The following PARN variants were observed in gnomAD, a reference collection of about 807,000 sequenced individuals.
PARN encodes poly(A)-specific ribonuclease, also known as poly(A)-specific ribonuclease PARN.
Under a neutral mutation model 102.8 loss-of-function variants are expected in PARN, and 71 were observed. The observed-to-expected ratio is 0.69, with a 90% CI of 0.57 to 0.84. The LOEUF is 0.84. Ranked by LOEUF, PARN falls within the 40% of genes least tolerant of loss-of-function variation. The pLI is 0.00. For missense variants in PARN, 782 were observed against 760.9 expected (o/e 1.03, Z -0.33); for synonymous variants, 261 against 252.9 (o/e 1.03, Z -0.30).
rs921499413 is a variant in PARN at position 14,606,585 on chromosome 16, T to C, written c.660-59A>G. The C allele has an allele frequency of 1.4e-5, 12 of 885,752 alleles. No individual in the cohort carries two copies. In the African/African-American group the frequency reaches 2.0e-4, roughly 15 times the overall value. The allele number at this position is 885,752 out of a possible 1,614,324, so 54.9% of individuals were successfully genotyped here. ...AGTCAATGACAGCTAAATCCCAAAG[T>C]ATTTTATAAGCAACTATCCAGCTAC... On this transcript the variant is annotated intron_variant, in intron 9 of 23. Transcript: ENST00000437198.
intron 21 of PARN, among the ~76,000 whole-genome samples, chr16:14,538,888 T>G (rs1251760182): frequency 2.0e-5 from 3 of 152,114 alleles, no homozygotes; most frequent in Non-Finnish European, 2.9e-5. Flanking sequence ...CGTAAGAACA[T>G]GAGCCCTATT....
intron 18 of PARN, among the ~76,000 whole-genome samples, chr16:14,572,374 G>C (rs1035836678): frequency 6.6e-6 from 1 of 151,918 alleles, no homozygotes; most frequent in African/African-American, 2.4e-5. Context: ...AAAATAAGTT[G>C]ACACTGGGAA....
chr16:14,587,041 T>C (rs1040187938), intron 13 of PARN, among the ~76,000 whole-genome samples: 1 of 152,220 alleles, frequency 6.6e-6, no homozygotes, highest in African/African-American at 2.4e-5. Context: ...ACATACATAA[T>C]TGCCATGCTA....
At chr16:14,522,685 G>A (rs920609070) in intron 21 of PARN, among the ~76,000 whole-genome samples, 15 of 152,158 alleles carry the variant, frequency 9.9e-5, no homozygotes, top group Admixed American at 2.0e-4. Flanking sequence ...TGTGGCACAG[G>A]AAGCTGGAAC....
rs939012068 is a variant in PARN, at chr16:14,532,431, G to A, written c.1480+19590C>T. Among the ~76,000 whole-genome samples, 8 of 152,042 alleles carry A rather than the reference G, an allele frequency of 5.3e-5. No individual in the cohort carries two copies. In the East Asian group the frequency reaches 1.2e-3, roughly 22 times the overall value. Reference sequence around the variant, plus strand: ...TGTTTAACAAAGCACATCTTGCACCGCCCTTAATCCATTTAACCCTGAGTG... The same window carrying A: ...TGTTTAACAAAGCACATCTTGCACCACCCTTAATCCATTTAACCCTGAGTG... On this transcript the variant is annotated intron_variant, in intron 21 of 23. Coordinates refer to ENST00000437198, the MANE Select transcript of PARN (RefSeq NM_002582.4).
At chr16:14,620,043 C>G (rs1219994533) in intron 5 of PARN, among the ~76,000 whole-genome samples, 6 of 132,454 alleles carry the variant, frequency 4.5e-5, no homozygotes, top group African/African-American at 1.7e-4. Context: ...GCACTCCAGC[C>G]TGGGTGACAG....
intron 22 of PARN, among the ~76,000 whole-genome samples, chr16:14,451,843 TAAAAAA>T (rs1184998225): frequency 9.2e-5 from 5 of 54,618 alleles, no homozygotes; most frequent in Non-Finnish European, 1.8e-4. Flanking sequence ...ACCCCGTCTC[TAAAAAA>T]AAAAAAAAAA....
At chr16:14,461,231 T>C (rs1438703917) in intron 22 of PARN, among the ~76,000 whole-genome samples, 2 of 152,130 alleles carry the variant, frequency 1.3e-5, no homozygotes, top group South Asian at 2.1e-4. Flanking sequence ...GGAGATATGA[T>C]GGCCAAATAT....
At chr16:14,443,970 G>A (rs1263808685) in intron 23 of PARN, among the ~76,000 whole-genome samples, 1 of 152,144 alleles carries the variant, frequency 6.6e-6, no homozygotes, top group Non-Finnish European at 1.5e-5. Flanking sequence ...ACCCGAACCA[G>A]ACCTTCGCGG....
intron 13 of PARN, among the ~76,000 whole-genome samples, chr16:14,589,435 T>C (rs1056808300): frequency 7.3e-5 from 11 of 149,742 alleles, no homozygotes; most frequent in Non-Finnish European, 1.2e-4. Flanking sequence ...CATGGTGGCA[T>C]GTGCCTGTGG....
intron 13 of PARN, among the ~76,000 whole-genome samples, chr16:14,588,798 C>G (rs1970006073): frequency 6.6e-6 from 1 of 152,154 alleles, no homozygotes; most frequent in Admixed American, 6.5e-5. Flanking sequence ...ATGAGAATCA[C>G]TTGAACTTGG....
chr16:14,584,955 A>G (rs776759812), intron 14 of PARN, among the ~76,000 whole-genome samples, 164 bp from the exon 15 acceptor site: 5 of 152,238 alleles, frequency 3.3e-5, no homozygotes, highest in Non-Finnish European at 7.3e-5. Flanking sequence ...GTAATTAAAC[A>G]CATTGGCCAT....
intron 20 of PARN, 85 bp from the exon 21 acceptor site, chr16:14,552,180 T>C (rs1967347976): frequency 1.2e-6 from 1 of 821,082 alleles, no homozygotes; most frequent in Admixed American, 2.0e-5. Context: ...CATATTTCAG[T>C]ATAGTCTATC....
At chr16:14,520,610 A>C (rs1236906263) in intron 21 of PARN, among the ~76,000 whole-genome samples, 1 of 151,998 alleles carries the variant, frequency 6.6e-6, no homozygotes, top group African/African-American at 2.4e-5. Flanking sequence ...GAGGCAGGAG[A>C]ACAGCTTGAG....
intron 16 of PARN, among the ~76,000 whole-genome samples, chr16:14,582,753 G>A (rs559011048): frequency 6.6e-6 from 1 of 152,072 alleles, no homozygotes; most frequent in South Asian, 2.1e-4. Flanking sequence ...ACTTATTTGC[G>A]GTATGACCTT....
chr16:14,629,801 G>A (rs1972920036), intron 1 of PARN, 127 bp from the exon 2 acceptor site: 5 of 748,444 alleles, frequency 6.7e-6, no homozygotes, highest in Non-Finnish European at 9.2e-6. Context: ...GGTGTGCACC[G>A]GGGCGAGGGG....
At position 14,488,582 on chromosome 16, in the gene PARN, G is replaced by A. The variant is rs534868312; in HGVS notation, c.1481-5755C>T. 3.3e-5 allele frequency among the ~76,000 whole-genome samples: 5 copies of A among 152,316 alleles called. No individual in the cohort carries two copies. In the East Asian group the frequency reaches 5.8e-4, roughly 18 times the overall value. The stretch of plus-strand genomic sequence containing the variant: ...ACAAGGCATGAGAAGCACGGTCACC[G>A]CACAGAAGGGAGGTGTGTGAGGCCA... On this transcript the variant is annotated intron_variant, in intron 21 of 23. Transcript: ENST00000437198.
intron 18 of PARN, among the ~76,000 whole-genome samples, chr16:14,561,279 C>A (rs1170399938): frequency 6.6e-6 from 1 of 151,920 alleles, no homozygotes; most frequent in Non-Finnish European, 1.5e-5. Flanking sequence ...GAACCTTGAA[C>A]CGTTAGCAAA....
At chr16:14,452,791 T>A (rs929117341) in intron 22 of PARN, among the ~76,000 whole-genome samples, 1 of 152,252 alleles carries the variant, frequency 6.6e-6, no homozygotes, top group Non-Finnish European at 1.5e-5. Context: ...TGTATCTATA[T>A]GTATGTAAGA....
Sources: gnomAD v4.1 joint callset for allele counts (sites outside exome capture counted in the v4.1 genomes callset) on GRCh38, gnomAD v4.1.1 for gene constraint, MANE v1.5 for transcripts, NCBI Gene and HGNC (gene_info 2026-07-23, HGNC 2026-07-21) for gene names.